Variants in URGCP observed in about 807,000 individuals in gnomAD.
URGCP encodes the protein upregulator of cell proliferation, also known as up-regulator of cell proliferation.
URGCP carries 13 observed loss-of-function variants against 24.6 expected under a neutral mutation model. That is an observed-to-expected ratio of 0.53 (90% CI 0.34 to 0.84). URGCP has a LOEUF of 0.84. URGCP is among the 40% of genes least tolerant of loss of function. The probability of loss-of-function intolerance (pLI) is 0.01; values close to 1 mark genes in which losing one functional copy is unlikely to be tolerated. For missense variants in URGCP, 899 were observed against 1,194.3 expected, an observed-to-expected ratio of 0.75 and a Z score of 3.64; for synonymous variants, 444 against 487.2, an observed-to-expected ratio of 0.91 and a Z score of 1.17.
chr7:43,912,940 T>A (rs2095911623), intron 1 of URGCP, among the ~76,000 whole-genome samples: 1 of 152,028 alleles, frequency 6.6e-6, no homozygotes, highest in South Asian at 2.1e-4. Context: ...AACCTCCACC[T>A]CCCGGGTTCA....
intron 1 of URGCP, chr7:43,920,085 T>A (rs1218540091): frequency 3.8e-5 from 46 of 1,205,314 alleles, no homozygotes; most frequent in Non-Finnish European, 4.9e-5. Flanking sequence ...GACCCTCATC[T>A]GCCTTACTGG....
At chr7:43,886,783 A>C (rs1247990476) in intron 3 of URGCP, among the ~76,000 whole-genome samples, 1 of 152,202 alleles carries the variant, frequency 6.6e-6, no homozygotes, top group Non-Finnish European at 1.5e-5. Context: ...CAAATAAAAT[A>C]ATAAAAGAAA....
chr7:43,900,860 C>A (rs181971435), intron 1 of URGCP, among the ~76,000 whole-genome samples: 5 of 152,346 alleles, frequency 3.3e-5, no homozygotes, highest in African/African-American at 9.6e-5. Context: ...TTCTTACTCA[C>A]GTGGGCCATG....
At position 43,876,946 on chromosome 7, in the gene URGCP, C is replaced by T. The variant is rs1427788741; in HGVS notation, c.2517G>A (p.Leu839=). The T allele has an allele frequency of 6.2e-7, 1 of 1,614,162 alleles. No individual in the cohort carries two copies. Among genetic ancestry groups the T allele is most frequent in the Non-Finnish European group, 8.5e-7 (1 of 1,180,022 alleles). ...CCCTGCTCAGGTCACCAGGTGGATC[C>T]AGGAGCTGTCTCTTGTCTCTGGGCC... ...GPRPRDKRQL[L]DPPGDLSRAA... Residue 839 remains leucine, a synonymous_variant, in exon 6 of 6, where the codon CTG becomes CTA. Coordinates refer to ENST00000453200, the MANE Select transcript of URGCP (RefSeq NM_001077663.3).
chr7:43,878,244 C>T lies in URGCP; in HGVS notation c.1219G>A (p.Val407Met). 1 of 1,614,220 alleles carries T rather than the reference C, an allele frequency of 6.2e-7. No individual in the cohort carries two copies. Among genetic ancestry groups the T allele is most frequent in the African/African-American group, 1.3e-5 (1 of 75,048 alleles). Residue 407 changes from valine to methionine, a missense_variant, in exon 6 of 6, where the codon GTG becomes ATG. Physicochemically the swap from Val to Met is conservative, Grantham distance 21. Coordinates refer to ENST00000453200, the MANE Select transcript of URGCP (RefSeq NM_001077663.3). The surrounding 1 kb of genome is among the most constrained non-coding windows in gnomAD (Gnocchi z 5.6). ...NLRFLNKLIP[V>M]LKIDHSHVLV... ...ACATGTGAGTGGTCTATTTTCAGCA[C>T]AGGAATTAACTTATTCAGAAATCTC...
At chr7:43,888,073 A>G in intron 1 of URGCP, 1 of 451,648 alleles carries the variant, frequency 2.2e-6, no homozygotes, top group Non-Finnish European at 3.9e-6. Context: ...ACAATTTAAT[A>G]AAATTGTGTA....
chr7:43,877,293 C>T lies in URGCP; in HGVS notation c.2170G>A (p.Gly724Ser), dbSNP rs558053709. The T allele has an allele frequency of 1.1e-5, 18 of 1,613,536 alleles. No individual in the cohort carries two copies. The highest frequency in any genetic ancestry group is 6.7e-5 in the East Asian group (3 of 44,880). The part of the protein sequence containing the change: ...GLRFATGKSC[G>S]PRGAFMQLIT... Reference sequence around the variant, plus strand: ...AGCTGCATGAAGGCCCCTCGAGGACCGCAGCTCTTCCCTGTGGCAAACCGC... The same window carrying T: ...AGCTGCATGAAGGCCCCTCGAGGACTGCAGCTCTTCCCTGTGGCAAACCGC... The change falls in exon 6 of 6, where the codon GGT becomes AGT. Residue 724 changes from glycine (G) to serine (S), a missense_variant. Transcript: ENST00000453200.
upstream of URGCP, chr7:43,926,462 C>G: frequency 7.3e-7 from 1 of 1,362,440 alleles, no homozygotes; most frequent in Non-Finnish European, 9.6e-7. Flanking sequence ...AGCTTGGTGG[C>G]GGCTGAGCCG....
At chr7:43,918,465 G>C (rs2095917886) in intron 1 of URGCP, among the ~76,000 whole-genome samples, 1 of 151,902 alleles carries the variant, frequency 6.6e-6, no homozygotes, top group Middle Eastern at 3.2e-3. Context: ...ATTTTTAGTA[G>C]AGATGGGGTT....
intron 1 of URGCP, 36 bp downstream of exon 1, chr7:43,906,526 G>T: frequency 8.3e-7 from 1 of 1,206,486 alleles, no homozygotes; most frequent in South Asian, 2.8e-5. Flanking sequence ...CCTGCCGGCA[G>T]CCGCGGGGGC....
intron 1 of URGCP, chr7:43,918,669 C>T (rs1441101531): frequency 1.6e-5 from 10 of 628,992 alleles, no homozygotes; most frequent in African/African-American, 5.5e-5. Context: ...CGGGTGGGAG[C>T]GGCTGCAACT....
At position 43,876,428 on chromosome 7, in the gene URGCP, GCTTGT is replaced by G. The variant is rs1483060978; in HGVS notation, c.*234_*238del. The G allele has an allele frequency of 1.5e-5, 8 of 545,050 alleles. No individual in the cohort carries two copies. The highest frequency in any genetic ancestry group is 2.6e-5 in the Non-Finnish European group (8 of 306,444). The allele number at this position is 545,050 out of a possible 1,614,324, so 33.8% of individuals were successfully genotyped here. A position where few individuals can be genotyped will look rare whatever the true frequency, so the allele number is the denominator to read the frequency against. ...AGGAGCTGAGACAGAACAAACTGCT[GCTTGT>G]CTCCCTACCCTGGGGGCTGTGATAT... is the stretch of plus-strand genomic sequence containing the variant. On this transcript the variant is annotated 3_prime_UTR_variant, in exon 6 of 6. Transcript: ENST00000453200.
intron 1 of URGCP, 178 bp downstream of exon 1, chr7:43,906,384 G>C (rs1472100130): frequency 2.4e-6 from 1 of 418,506 alleles, no homozygotes; most frequent in East Asian, 5.3e-4. Flanking sequence ...CGCGCGGCCG[G>C]TCCGCCCAAG....
At chr7:43,887,907 C>A in intron 1 of URGCP, 91 bp from the exon 2 acceptor site, 2 of 804,738 alleles carry the variant, frequency 2.5e-6, no homozygotes, top group Non-Finnish European at 3.9e-6. Flanking sequence ...AATCAAAGTG[C>A]AATAACGGAA....
chr7:43,906,427 CT>C, intron 1 of URGCP, 134 bp downstream of exon 1: 1 of 982,590 alleles, frequency 1.0e-6, no homozygotes, highest in Middle Eastern at 4.9e-4. Flanking sequence ...CCTGGTGGGC[CT>C]GGCGGGCGGG....
At chr7:43,882,441 C>G (rs1253736663) in intron 3 of URGCP, among the ~76,000 whole-genome samples, 1 of 152,066 alleles carries the variant, frequency 6.6e-6, no homozygotes, top group Non-Finnish European at 1.5e-5. Flanking sequence ...CAGAGTGAGG[C>G]TATCTCAAAA....
intron 1 of URGCP, among the ~76,000 whole-genome samples, chr7:43,918,296 ATTTCCTTTCCC>A (rs1220778162): frequency 7.5e-5 from 11 of 146,718 alleles, no homozygotes; most frequent in South Asian, 2.2e-4. Context: ...GAAAAAAAGG[ATTTCCTTTCCC>A]TTTCCTTTCC....
intron 1 of URGCP, among the ~76,000 whole-genome samples, chr7:43,912,283 A>G (rs1018461069): frequency 1.9e-4 from 29 of 152,348 alleles, no homozygotes; most frequent in African/African-American, 7.0e-4. Flanking sequence ...GGATTACCTG[A>G]GGTCAAGAGT....
intron 1 of URGCP, 154 bp from the exon 2 acceptor site, chr7:43,887,970 G>A (rs1447449459): frequency 1.7e-6 from 1 of 594,434 alleles, no homozygotes; most frequent in Non-Finnish European, 3.0e-6. Flanking sequence ...TTCTTTTGTG[G>A]ACAAAAAGAT....
Sources: allele counts gnomAD v4.1 joint callset (sites outside exome capture counted in the v4.1 genomes callset), GRCh38; gene constraint gnomAD v4.1.1; non-coding constraint Gnocchi (gnomAD v3.1); transcripts MANE v1.5; gene names NCBI Gene and HGNC (gene_info 2026-07-23, HGNC 2026-07-21).